The following KIAA1958 variants were observed in gnomAD, a reference collection of about 807,000 sequenced individuals.
The protein encoded by KIAA1958 is uncharacterized protein KIAA1958.
Under a neutral mutation model 47.2 loss-of-function variants are expected in KIAA1958, and 14 were observed. The ratio of observed to expected loss-of-function variants is 0.30; its 90% CI spans 0.20 to 0.46. KIAA1958 has a LOEUF of 0.46. Ranked by LOEUF, KIAA1958 falls within the 20% of genes least tolerant of loss-of-function variation. The pLI is 1.00. For missense variants in KIAA1958, 803 were observed against 909.2 expected (o/e 0.88, Z 1.50); for synonymous variants, 354 against 353.3 (o/e 1.00, Z -0.02).
chr9:112,658,111 C>T (rs1564204292), intron 3 of KIAA1958, among the ~76,000 whole-genome samples: 2 of 152,152 alleles, frequency 1.3e-5, no homozygotes, highest in African/African-American at 4.8e-5. Flanking sequence ...CCCACCTTGG[C>T]CTCTCTAAGT....
chr9:112,535,492 A>G (rs955765967), intron 1 of KIAA1958, among the ~76,000 whole-genome samples: 16 of 152,020 alleles, frequency 1.1e-4, no homozygotes, highest in African/African-American at 3.9e-4. Flanking sequence ...CTGTTGATGC[A>G]CACTTAGGCT....
chr9:112,504,509 C>A (rs576623581), intron 1 of KIAA1958, among the ~76,000 whole-genome samples: 2 of 152,234 alleles, frequency 1.3e-5, no homozygotes, highest in East Asian at 3.9e-4. Flanking sequence ...ATTTTTAATC[C>A]CCTTATTTTA....
intron 1 of KIAA1958, among the ~76,000 whole-genome samples, chr9:112,535,490 G>A (rs1834838807): frequency 6.6e-6 from 1 of 151,860 alleles, no homozygotes; most frequent in Non-Finnish European, 1.5e-5. Flanking sequence ...ATCTGTTGAT[G>A]CACACTTAGG....
chr9:112,618,114 T>G lies in KIAA1958; in HGVS notation c.1172-27536T>G. 1 of 1,550,428 alleles carries G rather than the reference T, an allele frequency of 6.4e-7. No homozygotes were observed. The highest frequency in any genetic ancestry group is 2.4e-5 in the East Asian group (1 of 40,908). The stretch of plus-strand genomic sequence containing the variant: ...AGCTTGGCCAATTACCAGTGTGGGC[T>G]CGAAAGGTACCTGAAAGAACACAGG... On this transcript the variant is annotated intron_variant, in intron 2 of 3. Coordinates refer to ENST00000337530, the MANE Select transcript of KIAA1958 (RefSeq NM_133465.4). The surrounding 1 kb of genome is among the most constrained non-coding windows in gnomAD (Gnocchi z 7.1).
intron 1 of KIAA1958, among the ~76,000 whole-genome samples, chr9:112,570,697 C>T (rs1835517071): frequency 6.6e-6 from 1 of 152,126 alleles, no homozygotes; most frequent in Non-Finnish European, 1.5e-5. Flanking sequence ...CTGTATTAGT[C>T]AAGATTCTCC....
At chr9:112,637,752 A>T (rs1836828402) in intron 2 of KIAA1958, among the ~76,000 whole-genome samples, 2 of 152,210 alleles carry the variant, frequency 1.3e-5, no homozygotes, top group South Asian at 4.1e-4. Context: ...CATACTAAAG[A>T]TATCATCTGT....
intron 2 of KIAA1958, among the ~76,000 whole-genome samples, chr9:112,622,361 T>G (rs1836524040): frequency 6.6e-6 from 1 of 152,350 alleles, no homozygotes; most frequent in East Asian, 1.9e-4. Context: ...CTGAAAGTTT[T>G]GCACTGTCTA....
chr9:112,542,000 A>G (rs771251429), intron 1 of KIAA1958, among the ~76,000 whole-genome samples: 3 of 152,192 alleles, frequency 2.0e-5, no homozygotes, highest in Non-Finnish European at 4.4e-5. Flanking sequence ...TTTTCTTAGC[A>G]CTGCTTTAAG....
At chr9:112,523,165 G>GC (rs1422545499) in intron 1 of KIAA1958, among the ~76,000 whole-genome samples, 1 of 152,174 alleles carries the variant, frequency 6.6e-6, no homozygotes, top group African/African-American at 2.4e-5. Context: ...ACATTCAAAT[G>GC]CTAGGGATTG....
chr9:112,646,563 C>G (rs781480057), intron 3 of KIAA1958, among the ~76,000 whole-genome samples: 3 of 152,178 alleles, frequency 2.0e-5, no homozygotes, highest in Non-Finnish European at 2.9e-5. Context: ...GTAAAATGAG[C>G]TCTTAAATTT....
At chr9:112,556,819 G>A (rs975592446) in intron 1 of KIAA1958, among the ~76,000 whole-genome samples, 1 of 152,182 alleles carries the variant, frequency 6.6e-6, no homozygotes. Context: ...GGGCAGGAGT[G>A]CCCTCTGTTC....
intron 1 of KIAA1958, among the ~76,000 whole-genome samples, chr9:112,539,533 G>C (rs766104941): frequency 5.3e-5 from 8 of 151,998 alleles, no homozygotes; most frequent in Non-Finnish European, 1.0e-4. Context: ...GGTTGGGAGG[G>C]GGTAATTAGG....
chr9:112,509,268 G>A (rs1020028988), intron 1 of KIAA1958, among the ~76,000 whole-genome samples: 1 of 142,902 alleles, frequency 7.0e-6, no homozygotes, highest in African/African-American at 2.6e-5. Flanking sequence ...GCAATGGCAC[G>A]ATCTTGGCTC....
chr9:112,556,897 G>A (rs2132845637), intron 1 of KIAA1958, among the ~76,000 whole-genome samples: 1 of 152,338 alleles, frequency 6.6e-6, no homozygotes, highest in African/African-American at 2.4e-5. Context: ...GAGCGTACAG[G>A]TGGACAGAAC....
At chr9:112,559,860 A>G (rs1177530854) in intron 1 of KIAA1958, among the ~76,000 whole-genome samples, 4 of 152,232 alleles carry the variant, frequency 2.6e-5, no homozygotes, top group African/African-American at 9.6e-5. Context: ...TGAGAAAACC[A>G]CTTTAAAATG....
At chr9:112,601,677 A>G (rs1836133770) in intron 2 of KIAA1958, among the ~76,000 whole-genome samples, 1 of 152,202 alleles carries the variant, frequency 6.6e-6, no homozygotes, top group South Asian at 2.1e-4. Context: ...CAGATGAGAA[A>G]GCGGAGGAAG....
intron 2 of KIAA1958, chr9:112,582,333 A>G (rs1006868876): frequency 3.3e-5 from 5 of 152,248 alleles, no homozygotes; most frequent in African/African-American, 1.2e-4. Context: ...GCCTGTATCA[A>G]AATATCTCAT....
chr9:112,595,823 T>C (rs1045952767), intron 2 of KIAA1958, among the ~76,000 whole-genome samples: 8 of 152,040 alleles, frequency 5.3e-5, no homozygotes, highest in African/African-American at 1.9e-4. Flanking sequence ...TTCACTCTTA[T>C]TGCCCAGGCT....
intron 1 of KIAA1958, among the ~76,000 whole-genome samples, chr9:112,509,200 C>CTT (rs67222850): frequency 2.2e-4 from 25 of 113,126 alleles, no homozygotes; most frequent in South Asian, 5.7e-4. Context: ...CAGGCCCATT[C>CTT]TTTTTTTTTT....
Sources: gnomAD v4.1 joint callset for allele counts (sites outside exome capture counted in the v4.1 genomes callset) on GRCh38, gnomAD v4.1.1 for gene constraint, Gnocchi (gnomAD v3.1) non-coding constraint, MANE v1.5 for transcripts, NCBI Gene and HGNC (gene_info 2026-07-23, HGNC 2026-07-21) for gene names.